Variants in TECR observed in about 807,000 individuals in gnomAD.
TECR encodes very-long-chain enoyl-CoA reductase.
Under a neutral mutation model 50.6 loss-of-function variants are expected in TECR, and 19 were observed. The observed-to-expected ratio is 0.38, with a 90% CI of 0.26 to 0.55. The LOEUF is 0.55. Ranked by LOEUF, TECR falls within the 20% of genes least tolerant of loss-of-function variation. The probability of loss-of-function intolerance (pLI) is 0.79; values close to 1 mark genes in which losing one functional copy is unlikely to be tolerated. For synonymous variants in TECR, 168 were observed against 163.5 expected (o/e 1.03, Z -0.21); for missense variants, 313 against 408.3 (o/e 0.77, Z 2.01).
At position 14,529,637 on chromosome 19, in the gene TECR, G is replaced by C; in HGVS notation, c.-60G>C. On this transcript the variant is annotated 5_prime_UTR_variant, in exon 1 of 13. Coordinates refer to ENST00000215567, the MANE Select transcript of TECR (RefSeq NM_138501.6). ...GTTGCGAGCGCTGTAGGGAGCCTGT[G>C]CTGTGCCGCGCAGTTAGGCAGCAGC... The C allele has an allele frequency of 2.5e-6, 4 of 1,613,438 alleles. No individual in the cohort carries two copies. Among genetic ancestry groups the C allele is most frequent in the Non-Finnish European group, 2.5e-6 (3 of 1,179,680 alleles).
chr19:14,541,476 C>T (rs2073095980), intron 1 of TECR, among the ~76,000 whole-genome samples: 1 of 152,254 alleles, frequency 6.6e-6, no homozygotes, highest in Non-Finnish European at 1.5e-5. Flanking sequence ...AGGACCCTGC[C>T]TCTGTTTTCC....
intron 1 of TECR, chr19:14,562,071 T>C: frequency 2.5e-6 from 1 of 392,506 alleles, no homozygotes; most frequent in South Asian, 3.4e-5. Flanking sequence ...AAAAGCTGCT[T>C]TCAGGGCAGC....
intron 1 of TECR, among the ~76,000 whole-genome samples, chr19:14,551,911 C>T (rs2073522849): frequency 7.1e-6 from 1 of 140,834 alleles, no homozygotes. Context: ...CTCTCTCTCT[C>T]CCCCTCCCTC....
Position 14,565,293 on chromosome 19 carries a change from G to A in TECR, c.753+3G>A, listed in dbSNP as rs1178265083. ...CCTGCCCCAACTACACCTACGAGGT[G>A]AGGGGCTGCCTTACCCCTCTCTGCC... On this transcript the variant is annotated splice_donor_region_variant and intron_variant, in intron 11 of 12. Transcript: ENST00000215567. The A allele has an allele frequency of 1.9e-6, 3 of 1,612,666 alleles. No homozygotes were observed. The African/African-American group carries it at 4.0e-5, about 22-fold the overall frequency.
intron 1 of TECR, among the ~76,000 whole-genome samples, chr19:14,556,247 C>T (rs906868279): frequency 6.6e-6 from 1 of 152,116 alleles, no homozygotes; most frequent in South Asian, 2.1e-4. Flanking sequence ...TTCCCTCTGC[C>T]TGGACTGCAC....
Position 14,563,601 on chromosome 19 carries a change from G to C in TECR, c.119-57G>C. On this transcript the variant is annotated intron_variant, in intron 3 of 12. Transcript: ENST00000215567. This position sits in a 1 kb window ranked among gnomAD's most constrained non-coding sequence, Gnocchi z 5.3. ...GAGAAGCTGGCACAGTGGCTGGGCAGCGGACCGGCTGAGCCCTGCCAGGCT... is the reference window on the plus strand; with the variant it reads ...GAGAAGCTGGCACAGTGGCTGGGCACCGGACCGGCTGAGCCCTGCCAGGCT... 2.5e-6 allele frequency: 4 copies of C among 1,606,956 alleles called. No individual in the cohort carries two copies. The highest frequency in any genetic ancestry group is 3.4e-6 in the Non-Finnish European group (4 of 1,177,722).
At chr19:14,544,006 A>T (rs2073216998) in intron 1 of TECR, among the ~76,000 whole-genome samples, 1 of 151,820 alleles carries the variant, frequency 6.6e-6, no homozygotes, top group Non-Finnish European at 1.5e-5. Context: ...CCAAAGTGCT[A>T]GGATTACAGG....
chr19:14,562,518 C>T lies in TECR; in HGVS notation c.16-7C>T, dbSNP rs762614488. Reference sequence around the variant, plus strand: ...AGAAACCTAAAAAGGCTGTTCTCTTCTTCGAGGTGGAGATTCTGGACGCAA... The same window carrying T: ...AGAAACCTAAAAAGGCTGTTCTCTTTTTCGAGGTGGAGATTCTGGACGCAA... On this transcript the variant is annotated splice_region_variant and splice_polypyrimidine_tract_variant and intron_variant, in intron 1 of 12. Transcript: ENST00000215567. The T allele has an allele frequency of 6.2e-7, 1 of 1,614,238 alleles. No homozygotes were observed. Among genetic ancestry groups the T allele is most frequent in the South Asian group, 1.1e-5 (1 of 91,088 alleles).
rs2073976181 is a variant in TECR, at chr19:14,563,816, G to A, written c.180G>A (p.Lys60=). The change falls in exon 5 of 13, where the codon AAG becomes AAA. Residue 60 remains lysine (K), a synonymous_variant. Coordinates refer to ENST00000215567, the MANE Select transcript of TECR (RefSeq NM_138501.6). The surrounding 1 kb of genome is among the most constrained non-coding windows in gnomAD (Gnocchi z 5.3). The stretch of plus-strand genomic sequence containing the variant: ...TCTCTGCAGAGGGCAAGTCCCTGAA[G>A]GATGAGGATGTTCTGCAGAAGCTGC... ...LRLDPKGKSL[K]DEDVLQKLPV... 2 of 1,613,790 alleles carry A rather than the reference G, an allele frequency of 1.2e-6. No homozygotes were observed. Among genetic ancestry groups the A allele is most frequent in the African/African-American group, 1.3e-5 (1 of 74,878 alleles).
At chr19:14,546,266 T>G (rs1343989034) in intron 1 of TECR, among the ~76,000 whole-genome samples, 2 of 137,820 alleles carry the variant, frequency 1.5e-5, no homozygotes, top group African/African-American at 2.5e-5. Flanking sequence ...AATTCTAGAT[T>G]TGGGATTTTT....
chr19:14,559,664 G>A (rs1017875467), intron 1 of TECR, among the ~76,000 whole-genome samples: 5 of 152,012 alleles, frequency 3.3e-5, no homozygotes, highest in Non-Finnish European at 7.4e-5. Flanking sequence ...GTGTGTGCCT[G>A]TAATCCCAGC....
chr19:14,555,439 T>A (rs12973140), intron 1 of TECR, among the ~76,000 whole-genome samples: 2 of 98,238 alleles, frequency 2.0e-5, no homozygotes, highest in East Asian at 2.9e-4. Context: ...TTATTTATTC[T>A]TTTTTTTTTT....
Position 14,562,424 on chromosome 19 carries a change from G to A in TECR, c.16-101G>A, listed in dbSNP as rs10407415. Reference sequence around the variant, plus strand: ...GACTTGAACTTGAGCTTGTTGGCCCGGGAGGCCACCCCAGGCCTCCTCCCT... The same window carrying A: ...GACTTGAACTTGAGCTTGTTGGCCCAGGAGGCCACCCCAGGCCTCCTCCCT... On this transcript the variant is annotated intron_variant, in intron 1 of 12. Coordinates refer to ENST00000215567, the MANE Select transcript of TECR (RefSeq NM_138501.6). 4,918 of 1,331,664 alleles carry A rather than the reference G, an allele frequency of 3.7e-3. 138 individuals carry two copies. In the African/African-American group the frequency reaches 0.061, roughly 16 times the overall value. 82.5% of individuals were successfully genotyped at this position (1,331,664 alleles called of 1,614,324 possible). A position where few individuals can be genotyped will look rare whatever the true frequency, so the allele number is the denominator to read the frequency against.
At position 14,562,895 on chromosome 19, in the gene TECR, G is replaced by A. The variant is rs551931149; in HGVS notation, c.67-311G>A. On this transcript the variant is annotated intron_variant, in intron 2 of 12. Coordinates refer to ENST00000215567, the MANE Select transcript of TECR (RefSeq NM_138501.6). ...GGAGGACAGAGGGCCTTTGCTCCTG[G>A]GAGAGTCATGGGTGAGAAGTGGAGA... Among the ~76,000 whole-genome samples the A allele has an allele frequency of 5.9e-5, 9 of 152,238 alleles. No homozygotes were observed. In the South Asian group the frequency reaches 1.9e-3, roughly 32 times the overall value.
chr19:14,535,281 G>C (rs937694281), intron 1 of TECR, among the ~76,000 whole-genome samples: 1 of 151,584 alleles, frequency 6.6e-6, no homozygotes, highest in African/African-American at 2.4e-5. Context: ...GCCGAGGTGG[G>C]TGAATCACGA....
chr19:14,548,546 A>G (rs1371457237), intron 1 of TECR, among the ~76,000 whole-genome samples: 1 of 152,188 alleles, frequency 6.6e-6, no homozygotes, highest in East Asian at 1.9e-4. Context: ...GGCTTTGCCT[A>G]AGGGTCTCTG....
intron 1 of TECR, among the ~76,000 whole-genome samples, chr19:14,550,161 CAG>C (rs1388413013): frequency 6.6e-6 from 1 of 152,066 alleles, no homozygotes; most frequent in Non-Finnish European, 1.5e-5. Flanking sequence ...CAGTCCTTAA[CAG>C]GGCCTGGCAT....
At chr19:14,565,147 G>A (rs1319207766) in intron 10 of TECR, 24 bp downstream of exon 10, 3 of 1,613,772 alleles carry the variant, frequency 1.9e-6, no homozygotes, top group Non-Finnish European at 2.5e-6. Context: ...GGGGGCAGGG[G>A]GACAGCTGGG....
At position 14,564,255 on chromosome 19, in the gene TECR, C is replaced by T. The variant is rs1273298187; in HGVS notation, c.457C>T (p.His153Tyr). ...GACGCTCTTCGTGCACCGCTTCTCC[C>T]ATGGCACTATGCCTTTGCGCAACAT... ...LETLFVHRFS[H>Y]GTMPLRNIFK... Residue 153 changes from histidine to tyrosine, a missense_variant, in exon 7 of 13, where the codon CAT becomes TAT. Coordinates refer to ENST00000215567, the MANE Select transcript of TECR (RefSeq NM_138501.6). 1 of 1,607,214 alleles carries T rather than the reference C, an allele frequency of 6.2e-7. No homozygotes were observed. Among genetic ancestry groups the T allele is most frequent in the Non-Finnish European group, 8.5e-7 (1 of 1,179,800 alleles).
Sources: allele counts gnomAD v4.1 joint callset (sites outside exome capture counted in the v4.1 genomes callset), GRCh38; gene constraint gnomAD v4.1.1; non-coding constraint Gnocchi (gnomAD v3.1); transcripts MANE v1.5; gene names NCBI Gene and HGNC (gene_info 2026-07-23, HGNC 2026-07-21).